ICA1: variants seen among roughly 807,000 people sequenced by gnomAD.
ICA1 encodes 69 kDa islet cell autoantigen.
ICA1 carries 40 observed loss-of-function variants against 71.0 expected under a neutral mutation model. The observed-to-expected ratio is 0.56, with a 90% CI of 0.44 to 0.73. ICA1 has a LOEUF of 0.73. ICA1 is among the 30% of genes least tolerant of loss of function. The pLI, the probability that ICA1 is intolerant of heterozygous loss-of-function variation, is 0.00. For missense variants in ICA1, 578 were observed against 576.5 expected (o/e 1.00, Z -0.03); for synonymous variants, 207 against 209.5 (o/e 0.99, Z 0.10).
intron 6 of ICA1, among the ~76,000 whole-genome samples, chr7:8,203,139 T>C (rs2128338873): frequency 6.6e-6 from 1 of 152,326 alleles, no homozygotes; most frequent in Non-Finnish European, 1.5e-5. Context: ...GAGATTTCGT[T>C]AGAAAGGTTA....
At chr7:8,118,245 G>A (rs751677403) in intron 13 of ICA1, among the ~76,000 whole-genome samples, 4 of 152,128 alleles carry the variant, frequency 2.6e-5, no homozygotes, top group East Asian at 3.8e-4. Context: ...GGTGGCCTGC[G>A]ACCTATTTAC....
chr7:8,153,938 C>G (rs1423775444), intron 8 of ICA1, among the ~76,000 whole-genome samples: 1 of 150,368 alleles, frequency 6.7e-6, no homozygotes, highest in African/African-American at 2.4e-5. Flanking sequence ...CATTGGAAAC[C>G]ACTTAGAAGA....
chr7:8,154,441 C>G (rs570570781), intron 8 of ICA1, among the ~76,000 whole-genome samples: 183 of 152,226 alleles, frequency 1.2e-3, no homozygotes, highest in African/African-American at 4.3e-3. Flanking sequence ...AATACAGCTG[C>G]AATGGCACAA....
At chr7:8,202,113 A>G (rs1473199176) in intron 6 of ICA1, among the ~76,000 whole-genome samples, 1 of 152,184 alleles carries the variant, frequency 6.6e-6, no homozygotes, top group African/African-American at 2.4e-5. Flanking sequence ...CCAAATTTTG[A>G]TTGACTCAAC....
intron 13 of ICA1, among the ~76,000 whole-genome samples, chr7:8,127,101 G>A (rs1026854884): frequency 6.6e-6 from 1 of 151,504 alleles, no homozygotes; most frequent in African/African-American, 2.4e-5. Flanking sequence ...AGCCTCCTGA[G>A]TAACTAGGAT....
chr7:8,183,743 A>C (rs1782982101), intron 6 of ICA1, among the ~76,000 whole-genome samples: 1 of 152,176 alleles, frequency 6.6e-6, no homozygotes, highest in South Asian at 2.1e-4. Context: ...TATTATTAGG[A>C]GTTGCATGCA....
chr7:8,247,262 G>A (rs947088696), intron 1 of ICA1, among the ~76,000 whole-genome samples: 3 of 152,066 alleles, frequency 2.0e-5, no homozygotes, highest in African/African-American at 4.8e-5. Flanking sequence ...GACCAGCCTT[G>A]TGAACACAGT....
At chr7:8,143,116 T>C (rs2128129855) in intron 9 of ICA1, among the ~76,000 whole-genome samples, 1 of 152,342 alleles carries the variant, frequency 6.6e-6, no homozygotes, top group African/African-American at 2.4e-5. Context: ...CATTTTGTTT[T>C]CCTAGGTCGG....
intron 10 of ICA1, 101 bp from the exon 11 acceptor site, chr7:8,139,148 T>A: frequency 1.1e-6 from 1 of 910,272 alleles, no homozygotes; most frequent in East Asian, 2.5e-5. Context: ...CAGGAAGAAA[T>A]GGGATCCACA....
intron 6 of ICA1, among the ~76,000 whole-genome samples, chr7:8,164,783 A>C (rs768450085): frequency 6.6e-6 from 1 of 152,228 alleles, no homozygotes; most frequent in African/African-American, 2.4e-5. Flanking sequence ...GTCACTTCAA[A>C]AACAGAAGGT....
At chr7:8,122,203 C>T (rs973786931) in intron 13 of ICA1, among the ~76,000 whole-genome samples, 9 of 152,100 alleles carry the variant, frequency 5.9e-5, no homozygotes, top group Non-Finnish European at 1.0e-4. Context: ...TGGCTGGAGT[C>T]GGGTGTACTG....
At chr7:8,225,800 T>C (rs2128441022) in intron 4 of ICA1, among the ~76,000 whole-genome samples, 1 of 152,352 alleles carries the variant, frequency 6.6e-6, no homozygotes, top group South Asian at 2.1e-4. Context: ...AACTTCTTTC[T>C]AAAGTACAGA....
In ICA1 at chr7:8,189,776, G is replaced by T. The variant is rs183446464; in HGVS notation, c.579+28529C>A. On this transcript the variant is annotated intron_variant, in intron 6 of 13. Coordinates refer to ENST00000402384, the MANE Select transcript of ICA1 (RefSeq NM_001136020.3). ...AGCAGACCAGGAGTGTGGGGAGGGG[G>T]CTGGGCAGGGGGGCTGGGCAGGGGG... Among the ~76,000 whole-genome samples, 1,086 of 151,304 alleles carry T rather than the reference G, an allele frequency of 7.2e-3. 15 individuals carry two copies. The highest frequency in any genetic ancestry group is 0.025 in the African/African-American group (1,037 of 41,090).
At chr7:8,126,742 T>C (rs910670236) in intron 13 of ICA1, among the ~76,000 whole-genome samples, 1 of 152,192 alleles carries the variant, frequency 6.6e-6, no homozygotes, top group African/African-American at 2.4e-5. Context: ...GTTTGATAAT[T>C]TCTTAAGTGA....
intron 6 of ICA1, among the ~76,000 whole-genome samples, chr7:8,200,707 T>C (rs78540886): frequency 0.013 from 2,024 of 152,318 alleles, 40 homozygotes; most frequent in African/African-American, 0.046. Context: ...TTTTAGATTC[T>C]TCAGTATAAT....
At chr7:8,174,755 C>CAAAAA (rs1218712832) in intron 6 of ICA1, among the ~76,000 whole-genome samples, 1 of 83,462 alleles carries the variant, frequency 1.2e-5, no homozygotes, top group Admixed American at 1.4e-4. Context: ...GACTGTATCT[C>CAAAAA]AAAAAAAAAA....
Position 8,157,133 on chromosome 7 carries a change from C to G in ICA1, c.787G>C (p.Glu263Gln). 6.2e-7 allele frequency: 1 copy of G among 1,614,080 alleles called. No individual in the cohort carries two copies. The highest frequency in any genetic ancestry group is 8.5e-7 in the Non-Finnish European group (1 of 1,180,022). Residue 263 changes from glutamate to glutamine, a missense_variant, in exon 8 of 14, where the codon GAA becomes CAA. Transcript: ENST00000402384. ...HESFKGYQPY[E>Q]FTTLKSLQDP... is the part of the protein sequence containing the mutation. Reference sequence around the variant, plus strand: ...TTCCATACCTTTAAAGTAGTAAATTCATATGGTTGATAACCTTTGAAACTC... The same window carrying G: ...TTCCATACCTTTAAAGTAGTAAATTGATATGGTTGATAACCTTTGAAACTC...
intron 1 of ICA1, among the ~76,000 whole-genome samples, chr7:8,251,302 A>C (rs927641152): frequency 6.6e-6 from 1 of 151,886 alleles, no homozygotes; most frequent in Non-Finnish European, 1.5e-5. Context: ...TATTAAAATC[A>C]CATTCCTAAA....
At chr7:8,154,230 T>C (rs1263202208) in intron 8 of ICA1, among the ~76,000 whole-genome samples, 4 of 152,204 alleles carry the variant, frequency 2.6e-5, no homozygotes, top group Non-Finnish European at 5.9e-5. Flanking sequence ...AATTCATCTT[T>C]ATAATAAAAT....
Sources: gnomAD v4.1 joint callset for allele counts (sites outside exome capture counted in the v4.1 genomes callset) on GRCh38, gnomAD v4.1.1 for gene constraint, MANE v1.5 for transcripts, NCBI Gene and HGNC (gene_info 2026-07-23, HGNC 2026-07-21) for gene names.